The following CLSTN2 variants were observed in gnomAD, a reference collection of about 807,000 sequenced individuals.
The protein encoded by CLSTN2 is calsyntenin 2.
A neutral mutation model predicts 101.2 loss-of-function variants in CLSTN2; 48 were observed. The observed-to-expected ratio is 0.47, with a 90% confidence interval of 0.38 to 0.60. The LOEUF (loss-of-function observed/expected upper bound fraction) is 0.60, where lower values mean the gene tolerates loss of function less well. Ranked by LOEUF, CLSTN2 falls within the 20% of genes least tolerant of loss-of-function variation. The pLI is 0.00. For synonymous variants in CLSTN2, 481 were observed against 463.6 expected (o/e 1.04, Z -0.48); for missense variants, 1,160 against 1,238.2 (o/e 0.94, Z 0.95).
At chr3:139,966,602 C>A (rs1935602629) in intron 1 of CLSTN2, among the ~76,000 whole-genome samples, 1 of 152,182 alleles carries the variant, frequency 6.6e-6, no homozygotes, top group Non-Finnish European at 1.5e-5. Context: ...GGGTTTGGAG[C>A]CTCTTCTCTG....
intron 1 of CLSTN2, among the ~76,000 whole-genome samples, chr3:140,017,925 A>T (rs918371874): frequency 6.6e-6 from 1 of 152,234 alleles, no homozygotes; most frequent in African/African-American, 2.4e-5. Context: ...GGCCTATGCC[A>T]GAGATTATTT....
chr3:140,064,312 G>C (rs72984115), intron 1 of CLSTN2, among the ~76,000 whole-genome samples: 2,830 of 152,244 alleles, frequency 0.019, 69 homozygotes, highest in African/African-American at 0.057. Context: ...CCTGTTTCTG[G>C]TTTCATTGCT....
At chr3:140,029,337 C>G (rs2007498152) in intron 1 of CLSTN2, among the ~76,000 whole-genome samples, 1 of 151,920 alleles carries the variant, frequency 6.6e-6, no homozygotes, top group Admixed American at 6.6e-5. Context: ...TTAAAGATAG[C>G]AAAAATAATG....
chr3:140,053,447 G>C (rs2008040131), intron 1 of CLSTN2, among the ~76,000 whole-genome samples: 1 of 152,180 alleles, frequency 6.6e-6, no homozygotes. Flanking sequence ...CACAGCTACT[G>C]TCTCACTAGC....
chr3:140,520,342 A>G (rs946936511), intron 8 of CLSTN2, among the ~76,000 whole-genome samples: 64 of 152,336 alleles, frequency 4.2e-4, no homozygotes, highest in African/African-American at 1.5e-3. Context: ...GATTTAATTG[A>G]CTTACTTACC....
intron 6 of CLSTN2, among the ~76,000 whole-genome samples, chr3:140,458,587 C>G (rs954831759): frequency 3.9e-5 from 6 of 152,162 alleles, no homozygotes; most frequent in Admixed American, 2.0e-4. Flanking sequence ...CTCAGCACCC[C>G]CCTCCACAAA....
chr3:140,364,916 T>C (rs1375170391), intron 2 of CLSTN2, among the ~76,000 whole-genome samples: 5 of 152,150 alleles, frequency 3.3e-5, no homozygotes, highest in South Asian at 2.1e-4. Context: ...TCTTACAGAA[T>C]GTAATGGTCC....
At chr3:140,422,548 G>C (rs896999827) in intron 5 of CLSTN2, among the ~76,000 whole-genome samples, 3 of 152,190 alleles carry the variant, frequency 2.0e-5, no homozygotes, top group Non-Finnish European at 2.9e-5. Flanking sequence ...CCTCTGGAGA[G>C]AGCCAGAGTT....
At chr3:140,418,533 T>TC (rs2088457183) in intron 4 of CLSTN2, among the ~76,000 whole-genome samples, 1 of 145,318 alleles carries the variant, frequency 6.9e-6, no homozygotes, top group Non-Finnish European at 1.5e-5. Flanking sequence ...TTTTTTTTTT[T>TC]CTGAGACGGA....
At chr3:140,548,608 T>A (rs1935648910) in intron 10 of CLSTN2, among the ~76,000 whole-genome samples, 1 of 152,024 alleles carries the variant, frequency 6.6e-6, no homozygotes, top group Non-Finnish European at 1.5e-5. Flanking sequence ...GGGAAGTCAT[T>A]CCAGGCAGAT....
At chr3:140,254,146 C>T (rs965406256) in intron 2 of CLSTN2, among the ~76,000 whole-genome samples, 3 of 152,176 alleles carry the variant, frequency 2.0e-5, no homozygotes, top group African/African-American at 7.2e-5. Context: ...TTCCATTGCA[C>T]ATACATGACA....
intron 1 of CLSTN2, among the ~76,000 whole-genome samples, chr3:140,042,880 T>C (rs1378340693): frequency 6.6e-6 from 1 of 152,214 alleles, no homozygotes; most frequent in African/African-American, 2.4e-5. Flanking sequence ...TGCATAGTAT[T>C]CCATAGTGTA....
At chr3:139,962,855 T>G (rs1935535196) in intron 1 of CLSTN2, among the ~76,000 whole-genome samples, 1 of 152,210 alleles carries the variant, frequency 6.6e-6, no homozygotes, top group Admixed American at 6.5e-5. Context: ...GATATGAGCA[T>G]TCATGTACAA....
chr3:140,443,073 C>G (rs1242053315), intron 5 of CLSTN2, among the ~76,000 whole-genome samples: 2 of 152,250 alleles, frequency 1.3e-5, no homozygotes, highest in Non-Finnish European at 2.9e-5. Flanking sequence ...AATCCCTGTT[C>G]TGGGGTACCC....
intron 2 of CLSTN2, among the ~76,000 whole-genome samples, chr3:140,356,568 A>G (rs1036270394): frequency 1.6e-4 from 24 of 151,708 alleles, no homozygotes; most frequent in African/African-American, 5.8e-4. Context: ...GAACAGCCTG[A>G]CCAACATGGT....
intron 1 of CLSTN2, among the ~76,000 whole-genome samples, chr3:140,076,639 T>G (rs1219625364): frequency 2.8e-5 from 4 of 142,702 alleles, no homozygotes; most frequent in African/African-American, 5.4e-5. Context: ...TTTTTTTTTT[T>G]TTTTTTTTTT....
At chr3:140,240,170 C>A (rs1299018351) in intron 2 of CLSTN2, among the ~76,000 whole-genome samples, 479 of 15,822 alleles carry the variant, frequency 0.03, 10 homozygotes, top group African/African-American at 0.033. Context: ...CTCTCTCTCT[C>A]TCTCTATATA....
At chr3:139,987,151 G>T (rs1244836540) in intron 1 of CLSTN2, among the ~76,000 whole-genome samples, 1 of 152,156 alleles carries the variant, frequency 6.6e-6, no homozygotes, top group African/African-American at 2.4e-5. Context: ...CAAACTGAAA[G>T]TATAGCTGCT....
rs1271912093 is a variant in CLSTN2, at chr3:140,042,059, G to C, written c.109+106576G>C. Among the ~76,000 whole-genome samples the C allele has an allele frequency of 2.0e-5, 3 of 152,186 alleles. No individual in the cohort carries two copies. In the East Asian group the frequency reaches 5.8e-4, roughly 29 times the overall value. On this transcript the variant is annotated intron_variant, in intron 1 of 16. Transcript: ENST00000458420. ...TACAATTCACCTATTTAAAGAGCAT[G>C]AGTCAATGGGTTTTAGTATATTCAC...
Sources: gnomAD v4.1 joint callset for allele counts (sites outside exome capture counted in the v4.1 genomes callset) on GRCh38, gnomAD v4.1.1 for gene constraint, MANE v1.5 for transcripts, NCBI Gene and HGNC (gene_info 2026-07-23, HGNC 2026-07-21) for gene names.